RGS6: variants seen among roughly 807,000 people sequenced by gnomAD.
RGS6 encodes the protein regulator of G-protein signaling 6.
A neutral mutation model predicts 78.5 loss-of-function variants in RGS6; 30 were observed. That is an observed-to-expected ratio of 0.38 (90% confidence interval 0.29 to 0.52). The LOEUF (loss-of-function observed/expected upper bound fraction) is 0.52. RGS6 is among the 20% of genes least tolerant of loss of function. RGS6 has a pLI of 0.85. For missense variants in RGS6, 495 were observed against 609.7 expected (o/e 0.81, Z 1.98); for synonymous variants, 206 against 206.0 (o/e 1.00, Z 0.00).
intron 2 of RGS6, among the ~76,000 whole-genome samples, chr14:72,196,411 C>T (rs2040167411): frequency 6.6e-6 from 1 of 152,134 alleles, no homozygotes; most frequent in East Asian, 1.9e-4. Flanking sequence ...ACTGTCTGTC[C>T]CCCATCGGGT....
chr14:72,484,980 G>A (rs1350508640), intron 12 of RGS6, among the ~76,000 whole-genome samples: 1 of 149,512 alleles, frequency 6.7e-6, no homozygotes, highest in African/African-American at 2.5e-5. Context: ...CATGGGGCAG[G>A]AGTATGTGAA....
intron 2 of RGS6, among the ~76,000 whole-genome samples, chr14:72,063,398 G>C (rs1458147247): frequency 2.0e-5 from 3 of 152,194 alleles, no homozygotes; most frequent in Non-Finnish European, 4.4e-5. Flanking sequence ...GGATATAGCA[G>C]CATGGAGATC....
chr14:72,562,592 G>A lies in RGS6; in HGVS notation c.*125G>A. On this transcript the variant is annotated 3_prime_UTR_variant, in exon 18 of 18. Coordinates refer to ENST00000553525, the MANE Select transcript of RGS6 (RefSeq NM_001204424.2). ...TCACTGTGAAGGAGAAAGAGTGAGG[G>A]CAATGAAGGGCGATGGTGGGGAGAC... 1 of 1,541,008 alleles carries A rather than the reference G, an allele frequency of 6.5e-7. No individual in the cohort carries two copies. The highest frequency in any genetic ancestry group is 2.4e-5 in the East Asian group (1 of 41,250).
At chr14:72,042,724 C>T (rs1465414327) in intron 2 of RGS6, among the ~76,000 whole-genome samples, 1 of 151,910 alleles carries the variant, frequency 6.6e-6, no homozygotes, top group East Asian at 1.9e-4. Flanking sequence ...TGTAATATAC[C>T]TCATTTGACC....
intron 7 of RGS6, 32 bp downstream of exon 7, chr14:72,465,854 AG>A: frequency 6.4e-7 from 1 of 1,555,458 alleles, no homozygotes; most frequent in Admixed American, 1.7e-5. Context: ...GATACATATA[AG>A]AAGAGAGTAA....
At chr14:71,966,706 T>C (rs145075948) in intron 2 of RGS6, among the ~76,000 whole-genome samples, 6 of 152,380 alleles carry the variant, frequency 3.9e-5, no homozygotes, top group African/African-American at 1.4e-4. Flanking sequence ...ATGAGGCATC[T>C]TATATCCTAC....
At chr14:72,419,410 C>T (rs983604493) in intron 3 of RGS6, among the ~76,000 whole-genome samples, 2 of 152,174 alleles carry the variant, frequency 1.3e-5, no homozygotes, top group Non-Finnish European at 2.9e-5. Flanking sequence ...AGTGGCAGAG[C>T]CAGGCTTTGA....
chr14:71,997,390 C>T (rs4354860), intron 2 of RGS6, among the ~76,000 whole-genome samples: 105,266 of 152,068 alleles, frequency 0.69, 36,875 homozygotes, highest in East Asian at 0.78. Context: ...ATTTGAGATA[C>T]AGGTTTGAAC....
In RGS6 at chr14:72,474,644, C is replaced by T; in HGVS notation, c.638C>T (p.Thr213Ile). Residue 213 changes from threonine to isoleucine, a missense_variant, in exon 10 of 18, where the codon ACA becomes ATA. Physicochemically the swap from Thr to Ile is moderately conservative, Grantham distance 89 (BLOSUM62 -1). Coordinates refer to ENST00000553525, the MANE Select transcript of RGS6 (RefSeq NM_001204424.2). ...TCTCAGCCAGGCTGTGTGAACACAACAGAAATGGATATCCGAAAATGTCGA... is the reference window on the plus strand; with the variant it reads ...TCTCAGCCAGGCTGTGTGAACACAATAGAAATGGATATCCGAAAATGTCGA... ...HRPVPGCVNT[T>I]EMDIRKCRRL... is the part of the protein sequence containing the mutation. 1 of 1,611,836 alleles carries T rather than the reference C, an allele frequency of 6.2e-7. No homozygotes were observed. The highest frequency in any genetic ancestry group is 8.5e-7 in the Non-Finnish European group (1 of 1,179,198).
At chr14:72,154,063 A>G (rs2096734028) in intron 2 of RGS6, among the ~76,000 whole-genome samples, 1 of 152,140 alleles carries the variant, frequency 6.6e-6, no homozygotes, top group Non-Finnish European at 1.5e-5. Context: ...CCAGGAATGC[A>G]TTCGTTTCCT....
At chr14:72,099,294 G>A (rs1420947339) in intron 2 of RGS6, among the ~76,000 whole-genome samples, 1 of 152,032 alleles carries the variant, frequency 6.6e-6, no homozygotes, top group Non-Finnish European at 1.5e-5. Flanking sequence ...CGAGTAGCTG[G>A]GACTACAGGT....
chr14:72,000,775 T>G (rs531944234), intron 2 of RGS6, among the ~76,000 whole-genome samples: 1 of 152,304 alleles, frequency 6.6e-6, no homozygotes, highest in Admixed American at 6.5e-5. Context: ...GAAAAACCAC[T>G]GGATTTGGTG....
At chr14:72,465,580 G>A (rs967823734) in intron 6 of RGS6, among the ~76,000 whole-genome samples, 178 bp from the exon 7 acceptor site, 1 of 149,092 alleles carries the variant, frequency 6.7e-6, no homozygotes, top group Non-Finnish European at 1.5e-5. Context: ...ATGGATGGAT[G>A]GATGGATGGA....
intron 2 of RGS6, among the ~76,000 whole-genome samples, chr14:72,103,088 G>A (rs74060637): frequency 6.6e-6 from 1 of 152,304 alleles, no homozygotes; most frequent in African/African-American, 2.4e-5. Context: ...TTAGGAAATA[G>A]CCCTTTCTTA....
chr14:71,951,540 T>C (rs1335712655), intron 1 of RGS6, among the ~76,000 whole-genome samples: 1 of 152,116 alleles, frequency 6.6e-6, no homozygotes, highest in Admixed American at 6.5e-5. Flanking sequence ...CTGCACGTCC[T>C]GCACATGTAC....
intron 6 of RGS6, 118 bp from the exon 7 acceptor site, chr14:72,465,640 G>GGATGGATA: frequency 5.9e-6 from 4 of 680,842 alleles, no homozygotes; most frequent in Non-Finnish European, 1.1e-5. Context: ...ATGGATGGAT[G>GGATGGATA]GATGGATGGA....
intron 3 of RGS6, among the ~76,000 whole-genome samples, chr14:72,409,077 A>G (rs1355948720): frequency 5.3e-5 from 8 of 152,236 alleles, no homozygotes; most frequent in Admixed American, 6.5e-5. Context: ...TATAAAAATC[A>G]TAATAAAAAC....
intron 2 of RGS6, among the ~76,000 whole-genome samples, chr14:72,195,033 C>A (rs549817631): frequency 1.3e-5 from 2 of 152,096 alleles, no homozygotes; most frequent in Non-Finnish European, 2.9e-5. Context: ...CATAGCGAAA[C>A]CCCGTGTCTG....
At chr14:72,422,045 G>C (rs1439216519) in intron 3 of RGS6, among the ~76,000 whole-genome samples, 1 of 152,174 alleles carries the variant, frequency 6.6e-6, no homozygotes, top group Admixed American at 6.5e-5. Context: ...TTGTGATACA[G>C]AACAAACCTC....
Sources: allele counts gnomAD v4.1 joint callset (sites outside exome capture counted in the v4.1 genomes callset), GRCh38; gene constraint gnomAD v4.1.1; transcripts MANE v1.5; gene names NCBI Gene and HGNC (gene_info 2026-07-23, HGNC 2026-07-21).